Variants in LHX8 observed in about 807,000 individuals in gnomAD.
LHX8 encodes LIM homeobox 8.
Under a neutral mutation model 40.3 loss-of-function variants are expected in LHX8, and 12 were observed. The ratio of observed to expected loss-of-function variants is 0.30; its 90% confidence interval spans 0.19 to 0.48. The LOEUF (loss-of-function observed/expected upper bound fraction) is 0.48, where lower values mean the gene tolerates loss of function less well. LHX8 is among the 20% of genes least tolerant of loss of function. LHX8 has a pLI of 0.99. For missense variants in LHX8, 344 were observed against 433.7 expected (o/e 0.79, Z 1.84); for synonymous variants, 179 against 162.0 (o/e 1.10, Z -0.80).
At chr1:75,177,351 G>T in the LHX8 span, among the ~76,000 whole-genome samples, 1 of 152,102 alleles carries the variant, frequency 6.6e-6, no homozygotes, top group South Asian at 2.1e-4. Flanking sequence ...TTATTTCGTT[G>T]ATCAGTGGTT....
the LHX8 span, among the ~76,000 whole-genome samples, chr1:75,177,154 T>C: frequency 1.3e-5 from 2 of 152,118 alleles, no homozygotes; most frequent in Admixed American, 6.5e-5. Context: ...CTTGGCAATG[T>C]GGGCTCTTTT....
At chr1:75,173,374 CTTTTTTTTTTTTT>C in the LHX8 span, among the ~76,000 whole-genome samples, 6 of 96,470 alleles carry the variant, frequency 6.2e-5, no homozygotes, top group African/African-American at 8.2e-5. Context: ...GATATATACT[CTTTTTTTTTTTTT>C]TTTTTTTTTT....
chr1:75,189,933 T>A, the LHX8 span, among the ~76,000 whole-genome samples: 8 of 152,244 alleles, frequency 5.3e-5, no homozygotes, highest in African/African-American at 1.9e-4. Flanking sequence ...TACTCATTCA[T>A]TTTTTATTCA....
At chr1:75,192,166 A>T in the LHX8 span, among the ~76,000 whole-genome samples, 2 of 152,218 alleles carry the variant, frequency 1.3e-5, no homozygotes, top group African/African-American at 2.4e-5. Flanking sequence ...TGAGTGGCAG[A>T]TACTAAGTGG....
At chr1:75,154,058 T>C (rs1057223891) in intron 7 of LHX8, among the ~76,000 whole-genome samples, 1 of 152,228 alleles carries the variant, frequency 6.6e-6, no homozygotes, top group African/African-American at 2.4e-5. Flanking sequence ...AGTTTATGAT[T>C]TAGAAGTCAA....
upstream of LHX8, chr1:75,131,534 C>A (rs938557895): frequency 2.6e-5 from 4 of 152,364 alleles, no homozygotes; most frequent in African/African-American, 9.6e-5. Flanking sequence ...CAGTTTTATG[C>A]CTTTTGATAA....
rs1310686255 is a variant in LHX8 at position 75,137,086 on chromosome 1, G to T, written c.76-14G>T. On this transcript the variant is annotated splice_polypyrimidine_tract_variant and intron_variant, in intron 2 of 8. Transcript: ENST00000356261. ...AGGGGTCTAGAACCGCCTGCGCCTCGCGGTTTCCTGCAGGTGAGCCCCGAG... is the reference window on the plus strand; with the variant it reads ...AGGGGTCTAGAACCGCCTGCGCCTCTCGGTTTCCTGCAGGTGAGCCCCGAG... 1.9e-6 allele frequency: 3 copies of T among 1,595,820 alleles called. No individual in the cohort carries two copies. The highest frequency in any genetic ancestry group is 1.7e-5 in the Admixed American group (1 of 59,378).
At chr1:75,196,694 T>G in the LHX8 span, among the ~76,000 whole-genome samples, 1 of 152,216 alleles carries the variant, frequency 6.6e-6, no homozygotes, top group Non-Finnish European at 1.5e-5. Flanking sequence ...CTGCCTAAGC[T>G]TCATATTAAG....
intron 3 of LHX8, among the ~76,000 whole-genome samples, chr1:75,138,531 G>A (rs1332973819): frequency 6.6e-6 from 1 of 152,142 alleles, no homozygotes; most frequent in Non-Finnish European, 1.5e-5. Flanking sequence ...CTTTAAATCT[G>A]CATTCTTAAG....
In LHX8 at chr1:75,161,119, C is replaced by T. The variant is rs1271816536; in HGVS notation, c.*224C>T. ...TTTACAAGAAGAAAACAAATCAAAA[C>T]ATTTTTTGTATTGTCTGGAAATAGT... On this transcript the variant is annotated 3_prime_UTR_variant, in exon 9 of 9. Transcript: ENST00000356261. 1 of 529,496 alleles carries T rather than the reference C, an allele frequency of 1.9e-6. No homozygotes were observed. The highest frequency in any genetic ancestry group is 3.2e-5 in the Admixed American group (1 of 30,992). 32.8% of individuals were successfully genotyped at this position (529,496 alleles called of 1,614,324 possible).
chr1:75,181,548 T>A, the LHX8 span, among the ~76,000 whole-genome samples: 2 of 152,150 alleles, frequency 1.3e-5, no homozygotes, highest in African/African-American at 4.8e-5. Context: ...GCTAAGACCA[T>A]TGGAAAAGCG....
chr1:75,196,894 T>G, the LHX8 span, among the ~76,000 whole-genome samples: 2 of 152,142 alleles, frequency 1.3e-5, no homozygotes, highest in Non-Finnish European at 2.9e-5. Flanking sequence ...TCAAGGGTCC[T>G]GCCTACATGT....
At chr1:75,175,065 G>T in the LHX8 span, among the ~76,000 whole-genome samples, 1 of 152,142 alleles carries the variant, frequency 6.6e-6, no homozygotes, top group Non-Finnish European at 1.5e-5. Context: ...TAAGATGTTT[G>T]GTTTTGCATT....
intron 7 of LHX8, among the ~76,000 whole-genome samples, chr1:75,155,912 G>A (rs552349387): frequency 5.9e-5 from 9 of 151,896 alleles, no homozygotes; most frequent in Admixed American, 5.9e-4. Context: ...TTTGTAGAAA[G>A]CTTTAAGTTC....
intron 3 of LHX8, among the ~76,000 whole-genome samples, chr1:75,137,887 A>G (rs190422133): frequency 6.6e-6 from 1 of 152,160 alleles, no homozygotes; most frequent in Admixed American, 6.5e-5. Context: ...TTAAATAAAA[A>G]CCATTTCAAT....
chr1:75,152,765 C>T (rs1648643433), intron 7 of LHX8, among the ~76,000 whole-genome samples: 2 of 152,144 alleles, frequency 1.3e-5, no homozygotes, highest in African/African-American at 4.8e-5. Flanking sequence ...TACAAGAGTT[C>T]CTTTTCCCCA....
At chr1:75,168,365 G>A in the LHX8 span, among the ~76,000 whole-genome samples, 1 of 152,072 alleles carries the variant, frequency 6.6e-6, no homozygotes, top group Non-Finnish European at 1.5e-5. Context: ...TGGAATTACA[G>A]GCACCCACCT....
At chr1:75,161,918 G>A (rs1570310111), downstream of LHX8, among the ~76,000 whole-genome samples, 1 of 152,134 alleles carries the variant, frequency 6.6e-6, no homozygotes, top group South Asian at 2.1e-4. Flanking sequence ...GTGATTCTGA[G>A]AGCTGAAATC....
chr1:75,173,637 C>T, the LHX8 span, among the ~76,000 whole-genome samples: 1 of 152,042 alleles, frequency 6.6e-6, no homozygotes, highest in Admixed American at 6.6e-5. Flanking sequence ...CCGCCTCGGC[C>T]TCCCAAAATG....
Sources: allele counts gnomAD v4.1 joint callset (sites outside exome capture counted in the v4.1 genomes callset), GRCh38; gene constraint gnomAD v4.1.1; transcripts MANE v1.5; gene names NCBI Gene and HGNC (gene_info 2026-07-23, HGNC 2026-07-21).